EYS: variants seen among roughly 807,000 people sequenced by gnomAD.
EYS encodes protein eyes shut homolog.
EYS carries 250 observed loss-of-function variants against 282.1 expected under a neutral mutation model. That is an observed-to-expected ratio of 0.89 (90% CI 0.80 to 0.98). The LOEUF (loss-of-function observed/expected upper bound fraction) is 0.98. Ranked by LOEUF, EYS falls within the 50% of genes least tolerant of loss-of-function variation. The pLI is 0.00. For missense variants in EYS, 4,016 were observed against 3,709.0 expected, an observed-to-expected ratio of 1.08 and a Z score of -2.15; for synonymous variants, 1,355 against 1,282.9, an observed-to-expected ratio of 1.06 and a Z score of -1.20.
chr6:64,727,636 A>T (rs181022653), intron 22 of EYS, among the ~76,000 whole-genome samples: 1 of 152,336 alleles, frequency 6.6e-6, no homozygotes, highest in East Asian at 1.9e-4. Flanking sequence ...TTAAATAGTG[A>T]AAAGTAAAGG....
chr6:65,283,963 C>G (rs1374013265), intron 12 of EYS, among the ~76,000 whole-genome samples: 1 of 152,020 alleles, frequency 6.6e-6, no homozygotes, highest in Non-Finnish European at 1.5e-5. Context: ...ATTTCTGTGG[C>G]CACTATTAAA....
intron 8 of EYS, among the ~76,000 whole-genome samples, chr6:65,362,538 G>T (rs1029293873): frequency 6.6e-6 from 1 of 151,222 alleles, no homozygotes; most frequent in Non-Finnish European, 1.5e-5. Flanking sequence ...TTACATATAT[G>T]CATATATGTA....
chr6:65,148,863 C>T (rs1217092356), intron 12 of EYS, among the ~76,000 whole-genome samples: 1 of 152,078 alleles, frequency 6.6e-6, no homozygotes, highest in Non-Finnish European at 1.5e-5. Flanking sequence ...TGGAAGCCAC[C>T]AAAGCTTGGG....
At chr6:65,163,784 A>G (rs954914429) in intron 12 of EYS, among the ~76,000 whole-genome samples, 1 of 151,290 alleles carries the variant, frequency 6.6e-6, no homozygotes, top group African/African-American at 2.4e-5. Flanking sequence ...TAAAGTTCAA[A>G]TGACATGGTC....
At chr6:65,113,843 C>T (rs1297778485) in intron 12 of EYS, among the ~76,000 whole-genome samples, 3 of 151,890 alleles carry the variant, frequency 2.0e-5, no homozygotes, top group African/African-American at 7.2e-5. Context: ...ATAAGTTAAA[C>T]AAAGAGAAAG....
intron 30 of EYS, among the ~76,000 whole-genome samples, chr6:64,280,771 G>C (rs1289019810): frequency 1.3e-5 from 2 of 152,014 alleles, no homozygotes; most frequent in African/African-American, 4.8e-5. Context: ...AGCTCCAGGG[G>C]GCACTGCTGT....
chr6:64,442,341 A>T (rs1310709527), intron 26 of EYS, among the ~76,000 whole-genome samples: 1 of 152,182 alleles, frequency 6.6e-6, no homozygotes, highest in Non-Finnish European at 1.5e-5. Flanking sequence ...GGGTGCTGTT[A>T]AAGGCATTCA....
At chr6:65,246,148 T>A (rs539456532) in intron 12 of EYS, among the ~76,000 whole-genome samples, 1 of 152,148 alleles carries the variant, frequency 6.6e-6, no homozygotes, top group African/African-American at 2.4e-5. Flanking sequence ...GCAATAATTA[T>A]CACATGGTGT....
chr6:63,736,592 A>G (rs900517561), intron 41 of EYS, among the ~76,000 whole-genome samples: 5 of 152,052 alleles, frequency 3.3e-5, no homozygotes, highest in Admixed American at 2.6e-4. Flanking sequence ...TTCCATATGA[A>G]CTTTAAAGTA....
intron 22 of EYS, among the ~76,000 whole-genome samples, chr6:64,793,319 C>A (rs923666825): frequency 1.3e-5 from 2 of 151,914 alleles, no homozygotes; most frequent in African/African-American, 4.8e-5. Context: ...AGTTGAAAAT[C>A]AAAAATGTAA....
chr6:64,336,862 G>A (rs2150393991), intron 29 of EYS, among the ~76,000 whole-genome samples: 1 of 152,176 alleles, frequency 6.6e-6, no homozygotes, highest in African/African-American at 2.4e-5. Context: ...TAAATAACCT[G>A]CTTCTGAATG....
intron 36 of EYS, among the ~76,000 whole-genome samples, chr6:63,811,824 AGGCATCAT>A (rs1156735777): frequency 6.6e-6 from 1 of 152,150 alleles, no homozygotes; most frequent in African/African-American, 2.4e-5. Context: ...GAGCAAAACT[AGGCATCAT>A]CCTTAAATGG....
intron 22 of EYS, among the ~76,000 whole-genome samples, chr6:64,684,095 T>A (rs558049977): frequency 2.6e-5 from 4 of 152,276 alleles, no homozygotes; most frequent in African/African-American, 9.6e-5. Context: ...AGCCTTACAA[T>A]GCATATCTTA....
chr6:64,225,220 A>G (rs558188711), intron 31 of EYS, among the ~76,000 whole-genome samples: 1 of 152,218 alleles, frequency 6.6e-6, no homozygotes, highest in Admixed American at 6.5e-5. Flanking sequence ...ATATCCACTC[A>G]ATAGGTTTCC....
At chr6:64,557,141 A>G (rs1411549698) in intron 26 of EYS, among the ~76,000 whole-genome samples, 1 of 151,844 alleles carries the variant, frequency 6.6e-6, no homozygotes, top group Non-Finnish European at 1.5e-5. Flanking sequence ...TGCCTAGAAG[A>G]GAAATACAAA....
chr6:65,627,698 C>T (rs563083040), intron 2 of EYS, among the ~76,000 whole-genome samples: 6 of 152,292 alleles, frequency 3.9e-5, no homozygotes, highest in South Asian at 2.1e-4. Context: ...CCAGTGGCTG[C>T]GGAGAGTGAA....
At chr6:65,168,961 T>C (rs1765040277) in intron 12 of EYS, among the ~76,000 whole-genome samples, 1 of 151,368 alleles carries the variant, frequency 6.6e-6, no homozygotes, top group Admixed American at 6.6e-5. Context: ...ACAACCATTT[T>C]ACCTTTACCA....
At chr6:65,634,206 G>A (rs1279806614) in intron 2 of EYS, among the ~76,000 whole-genome samples, 1 of 152,192 alleles carries the variant, frequency 6.6e-6, no homozygotes, top group African/African-American at 2.4e-5. Flanking sequence ...AATGAGGACG[G>A]ATAGAAAGAA....
chr6:65,350,393 C>A (rs1770553208), intron 9 of EYS, among the ~76,000 whole-genome samples: 1 of 151,216 alleles, frequency 6.6e-6, no homozygotes, highest in African/African-American at 2.4e-5. Flanking sequence ...AGATCCATTA[C>A]TTTATAAAGG....
Sources: allele counts gnomAD v4.1 joint callset (sites outside exome capture counted in the v4.1 genomes callset), GRCh38; gene constraint gnomAD v4.1.1; transcripts MANE v1.5; gene names NCBI Gene and HGNC (gene_info 2026-07-23, HGNC 2026-07-21).